The following CFH variants were observed in gnomAD, a reference collection of about 807,000 sequenced individuals.
CFH encodes complement factor H.
A neutral mutation model predicts 147.3 loss-of-function variants in CFH; 53 were observed. The ratio of observed to expected loss-of-function variants is 0.36; its 90% confidence interval spans 0.29 to 0.45. The LOEUF (loss-of-function observed/expected upper bound fraction) is 0.45, where lower values mean the gene tolerates loss of function less well. Ranked by LOEUF, CFH falls within the 20% of genes least tolerant of loss-of-function variation. The probability of loss-of-function intolerance (pLI) is 1.00; values close to 1 mark genes in which losing one functional copy is unlikely to be tolerated. For missense variants in CFH, 1,380 were observed against 1,498.0 expected, an observed-to-expected ratio of 0.92 and a Z score of 1.30; for synonymous variants, 536 against 489.4, an observed-to-expected ratio of 1.10 and a Z score of -1.26.
chr1:196,677,295 C>T (rs1204149314), intron 4 of CFH, 181 bp from the exon 5 acceptor site: 3 of 586,928 alleles, frequency 5.1e-6, no homozygotes, highest in Non-Finnish European at 9.0e-6. Flanking sequence ...CAGGAATAAA[C>T]ATTCCATTTG....
intron 11 of CFH, among the ~76,000 whole-genome samples, chr1:196,717,848 A>C (rs191452288): frequency 6.2e-4 from 95 of 152,172 alleles, no homozygotes; most frequent in African/African-American, 2.1e-3. Flanking sequence ...GACTGCTTAC[A>C]ACCTTGTGAC....
intron 9 of CFH, among the ~76,000 whole-genome samples, chr1:196,694,046 G>A (rs1355264886): frequency 6.6e-6 from 1 of 151,166 alleles, no homozygotes; most frequent in Non-Finnish European, 1.5e-5. Context: ...GTGCAGGTTT[G>A]TTACATAAGT....
intron 17 of CFH, among the ~76,000 whole-genome samples, chr1:196,740,001 G>A (rs988771620): frequency 6.6e-6 from 1 of 152,144 alleles, no homozygotes; most frequent in Non-Finnish European, 1.5e-5. Context: ...TGACAGGAAG[G>A]AGAAGTGCAA....
At chr1:196,746,994 A>T (rs1653031523) in intron 21 of CFH, 117 bp from the exon 22 acceptor site, 1 of 1,540,350 alleles carries the variant, frequency 6.5e-7, no homozygotes, top group South Asian at 1.2e-5. Context: ...GTTGGTTTGG[A>T]TAGTGTTTTG....
At chr1:196,709,966 C>T (rs963593431) in intron 9 of CFH, among the ~76,000 whole-genome samples, 6 of 152,026 alleles carry the variant, frequency 3.9e-5, no homozygotes, top group South Asian at 2.1e-4. Flanking sequence ...GCTGTGATCA[C>T]GCTACTGAAA....
chr1:196,709,534 A>G (rs1231465498), intron 9 of CFH, among the ~76,000 whole-genome samples: 2 of 152,124 alleles, frequency 1.3e-5, no homozygotes, highest in African/African-American at 4.8e-5. Flanking sequence ...CCCGGAAGGA[A>G]CTGAAACTGT....
chr1:196,740,834 T>G (rs1242765650), intron 18 of CFH, 42 bp downstream of exon 18: 2 of 1,583,386 alleles, frequency 1.3e-6, no homozygotes, highest in South Asian at 2.2e-5. Flanking sequence ...ATAAATATTC[T>G]TCATTCAAAG....
In CFH at chr1:196,745,798, A is replaced by G; in HGVS notation, c.3311-19A>G. 6.2e-7 allele frequency: 1 copy of G among 1,613,956 alleles called. No individual in the cohort carries two copies. The highest frequency in any genetic ancestry group is 8.5e-7 in the Non-Finnish European group (1 of 1,179,886). On this transcript the variant is annotated intron_variant, in intron 20 of 21. Transcript: ENST00000367429. Reference sequence around the variant, plus strand: ...ATTTGCTCTCACAACAAATCAAGTGATGAAATGATGTTTTTTAGATTCTAC... The same window carrying G: ...ATTTGCTCTCACAACAAATCAAGTGGTGAAATGATGTTTTTTAGATTCTAC...
rs1203793183 is a variant in CFH, at chr1:196,661,921, G to C, written c.58+9746G>C. On this transcript the variant is annotated intron_variant, in intron 1 of 21. Coordinates refer to ENST00000367429, the MANE Select transcript of CFH (RefSeq NM_000186.4). ...TTTTGTTTTGTTTTTTAAATAAATT[G>C]CCTCAAGGAATTGTGAGCATGAGAT... 2.6e-5 allele frequency among the ~76,000 whole-genome samples: 4 copies of C among 152,024 alleles called. 1 individual carries two copies. Among genetic ancestry groups the C allele is most frequent in the Admixed American group, 2.6e-4 (4 of 15,268 alleles).
At chr1:196,666,631 T>C (rs1667096949) in intron 1 of CFH, among the ~76,000 whole-genome samples, 1 of 137,110 alleles carries the variant, frequency 7.3e-6, no homozygotes, top group African/African-American at 3.0e-5. Context: ...ACACCGTTTC[T>C]ACTAAAAATA....
chr1:196,669,240 T>C (rs1457277986), intron 1 of CFH, among the ~76,000 whole-genome samples: 2 of 152,164 alleles, frequency 1.3e-5, no homozygotes, highest in African/African-American at 4.8e-5. Context: ...CATAAAAGTT[T>C]GGAAAATTTG....
rs1032794218 is a variant in CFH, at chr1:196,742,117, G to A, written c.3133+66G>A. On this transcript the variant is annotated intron_variant, in intron 19 of 21. Coordinates refer to ENST00000367429, the MANE Select transcript of CFH (RefSeq NM_000186.4). ...GGGCCCAGCCCAGTGGCTGGCGCCTGTAATCCCAGCACTTTGGGAGGCCGA... is the reference window on the plus strand; with the variant it reads ...GGGCCCAGCCCAGTGGCTGGCGCCTATAATCCCAGCACTTTGGGAGGCCGA... 63 of 1,512,440 alleles carry A rather than the reference G, an allele frequency of 4.2e-5. No individual in the cohort carries two copies. The South Asian group carries it at 5.9e-4, about 14-fold the overall frequency. The allele number at this position is 1,512,440 out of a possible 1,614,324, so 93.7% of individuals were successfully genotyped here.
At chr1:196,690,302 C>T in intron 9 of CFH, 63 bp downstream of exon 9, 1 of 1,592,962 alleles carries the variant, frequency 6.3e-7, no homozygotes, top group Non-Finnish European at 8.6e-7. Flanking sequence ...AGATGACATT[C>T]TAAGACTCAT....
chr1:196,697,234 G>A (rs1199003052), intron 9 of CFH, among the ~76,000 whole-genome samples: 1 of 151,998 alleles, frequency 6.6e-6, no homozygotes, highest in African/African-American at 2.4e-5. Context: ...CAGAATGGGA[G>A]AAAATTTTTG....
intron 21 of CFH, among the ~76,000 whole-genome samples, chr1:196,746,756 T>G (rs34813995): frequency 0.02 from 2,975 of 152,298 alleles, 92 homozygotes; most frequent in African/African-American, 0.067. Context: ...TCTCTATGTT[T>G]GATTCCAAGT....
chr1:196,682,305 T>C (rs1231800590), intron 6 of CFH, among the ~76,000 whole-genome samples: 1 of 151,760 alleles, frequency 6.6e-6, no homozygotes, highest in African/African-American at 2.4e-5. Context: ...AATGGTTGTT[T>C]CCAATAGTAG....
intron 1 of CFH, among the ~76,000 whole-genome samples, chr1:196,666,599 C>T (rs1023537261): frequency 2.6e-5 from 4 of 151,464 alleles, no homozygotes; most frequent in Non-Finnish European, 5.9e-5. Context: ...GAGATTGAGA[C>T]CATCCTGGCT....
At chr1:196,712,357 A>G (rs116810342) in intron 9 of CFH, among the ~76,000 whole-genome samples, 4,670 of 151,214 alleles carry the variant, frequency 0.031, 100 homozygotes, top group Non-Finnish European at 0.048. Context: ...TTTCTTTGTT[A>G]TAATTTATTA....
intron 1 of CFH, among the ~76,000 whole-genome samples, chr1:196,657,696 C>T (rs1666751903): frequency 1.3e-5 from 2 of 152,110 alleles, no homozygotes; most frequent in African/African-American, 4.8e-5. Context: ...TGTTCATTTG[C>T]TTTATTTTTT....
Sources: allele counts gnomAD v4.1 joint callset (sites outside exome capture counted in the v4.1 genomes callset), GRCh38; gene constraint gnomAD v4.1.1; transcripts MANE v1.5; gene names NCBI Gene and HGNC (gene_info 2026-07-23, HGNC 2026-07-21).